LRRC4C: variants seen among roughly 807,000 people sequenced by gnomAD.
LRRC4C encodes leucine-rich repeat-containing protein 4C.
LRRC4C carries 5 observed loss-of-function variants against 33.6 expected under a neutral mutation model. The ratio of observed to expected loss-of-function variants is 0.15; its 90% CI spans 0.08 to 0.31. The LOEUF (loss-of-function observed/expected upper bound fraction) is 0.31. LRRC4C is among the 10% of genes least tolerant of loss of function. The pLI is 1.00. For synonymous variants in LRRC4C, 329 were observed against 302.0 expected (o/e 1.09, Z -0.93); for missense variants, 560 against 796.7 (o/e 0.70, Z 3.58).
At position 40,134,781 on chromosome 11, in the gene LRRC4C, G is replaced by C. The variant is rs150674647; in HGVS notation, c.-43+6020C>G. Among the ~76,000 whole-genome samples the C allele has an allele frequency of 2.4e-4, 37 of 152,250 alleles. 2 individuals are homozygous for C. The East Asian group carries it at 7.1e-3, about 29-fold the overall frequency. On this transcript the variant is annotated intron_variant, in intron 6 of 6. Transcript: ENST00000528697. ...ATCCCATGATTCCTGACCTGTCATTGCTTCCTCTGATTTCTGTATATTTTT... is the reference window on the plus strand; with the variant it reads ...ATCCCATGATTCCTGACCTGTCATTCCTTCCTCTGATTTCTGTATATTTTT...
intron 1 of LRRC4C, among the ~76,000 whole-genome samples, chr11:41,274,893 C>G (rs1168062704): frequency 6.6e-6 from 1 of 152,106 alleles, no homozygotes; most frequent in Non-Finnish European, 1.5e-5. Flanking sequence ...GGATGTTTGT[C>G]CCTCTAAATC....
chr11:40,919,536 T>C (rs1957091851), intron 2 of LRRC4C, among the ~76,000 whole-genome samples: 1 of 152,152 alleles, frequency 6.6e-6, no homozygotes, highest in Non-Finnish European at 1.5e-5. Context: ...TAACCCATCA[T>C]TTGGCTTATC....
intron 2 of LRRC4C, among the ~76,000 whole-genome samples, chr11:40,737,468 C>T (rs1015345765): frequency 1.3e-5 from 2 of 152,066 alleles, no homozygotes; most frequent in Non-Finnish European, 2.9e-5. Flanking sequence ...ATTTAGAAAA[C>T]TCCATCGTCT....
At chr11:41,205,671 CA>C (rs1015642694) in intron 1 of LRRC4C, among the ~76,000 whole-genome samples, 9 of 151,798 alleles carry the variant, frequency 5.9e-5, no homozygotes, top group South Asian at 4.2e-4. Flanking sequence ...AAACAACAAA[CA>C]AAAAAAACTT....
intron 3 of LRRC4C, among the ~76,000 whole-genome samples, chr11:40,373,549 A>G (rs1470355513): frequency 6.6e-6 from 1 of 152,158 alleles, no homozygotes; most frequent in Non-Finnish European, 1.5e-5. Context: ...ATAACCAATA[A>G]ATGTATTGAT....
At chr11:40,484,890 CAAAAT>C (rs1953775404) in intron 3 of LRRC4C, among the ~76,000 whole-genome samples, 1 of 152,026 alleles carries the variant, frequency 6.6e-6, no homozygotes, top group Admixed American at 6.6e-5. Flanking sequence ...CTGCATCTCA[CAAAAT>C]AAAAGGCATG....
intron 1 of LRRC4C, among the ~76,000 whole-genome samples, chr11:41,424,663 C>G (rs1262993881): frequency 6.6e-6 from 1 of 151,832 alleles, no homozygotes; most frequent in African/African-American, 2.4e-5. Context: ...ACAGAAGATA[C>G]CAATTTGTGT....
chr11:41,424,727 C>T (rs533821194), intron 1 of LRRC4C, among the ~76,000 whole-genome samples: 27 of 152,094 alleles, frequency 1.8e-4, no homozygotes, highest in African/African-American at 5.5e-4. Flanking sequence ...TAATATAATA[C>T]GCATTTATTT....
chr11:40,881,402 T>C (rs1345118182), intron 2 of LRRC4C, among the ~76,000 whole-genome samples: 1 of 152,178 alleles, frequency 6.6e-6, no homozygotes, highest in African/African-American at 2.4e-5. Flanking sequence ...CTTTTTTCTT[T>C]GCAAGTTACT....
intron 1 of LRRC4C, among the ~76,000 whole-genome samples, chr11:40,955,855 C>A (rs1467191993): frequency 2.0e-5 from 3 of 151,804 alleles, no homozygotes; most frequent in African/African-American, 7.2e-5. Flanking sequence ...TTCTGCTTCA[C>A]CATAGAAAAA....
chr11:41,156,652 G>T (rs1487496211), intron 1 of LRRC4C, among the ~76,000 whole-genome samples: 1 of 152,012 alleles, frequency 6.6e-6, no homozygotes, highest in Non-Finnish European at 1.5e-5. Flanking sequence ...AAATTATATT[G>T]TGTATTAGAA....
At chr11:40,320,653 G>A (rs1165782888) in intron 3 of LRRC4C, among the ~76,000 whole-genome samples, 3 of 151,964 alleles carry the variant, frequency 2.0e-5, no homozygotes, top group African/African-American at 7.3e-5. Context: ...GTCATAATTA[G>A]CCAGACAATT....
chr11:41,169,871 G>T (rs1565446660), intron 1 of LRRC4C, among the ~76,000 whole-genome samples: 1 of 152,128 alleles, frequency 6.6e-6, no homozygotes, highest in East Asian at 1.9e-4. Context: ...TATTTAATAT[G>T]AAATAAATCA....
chr11:40,386,681 C>G (rs1331021970), intron 3 of LRRC4C, among the ~76,000 whole-genome samples: 3 of 152,074 alleles, frequency 2.0e-5, no homozygotes, highest in African/African-American at 7.2e-5. Flanking sequence ...TTCTAGCTTT[C>G]TTCGCTTTTA....
At chr11:40,909,216 C>T (rs979108775) in intron 2 of LRRC4C, among the ~76,000 whole-genome samples, 1 of 152,100 alleles carries the variant, frequency 6.6e-6, no homozygotes, top group Non-Finnish European at 1.5e-5. Context: ...TTATCATCTC[C>T]TTTTAAATCA....
At chr11:40,969,588 C>T (rs1441939153) in intron 1 of LRRC4C, among the ~76,000 whole-genome samples, 1 of 152,068 alleles carries the variant, frequency 6.6e-6, no homozygotes, top group East Asian at 1.9e-4. Flanking sequence ...GATCAGTCAG[C>T]AACTATCAAT....
intron 3 of LRRC4C, among the ~76,000 whole-genome samples, chr11:40,353,599 A>G (rs1004526763): frequency 6.6e-6 from 1 of 152,052 alleles, no homozygotes; most frequent in African/African-American, 2.4e-5. Flanking sequence ...CTGTAATTCT[A>G]GGTATTTGGG....
intron 3 of LRRC4C, among the ~76,000 whole-genome samples, chr11:40,547,713 G>A: frequency 6.6e-6 from 1 of 152,054 alleles, no homozygotes; most frequent in East Asian, 1.9e-4. Context: ...ATGCTGTTGA[G>A]TAGTAGGCTG....
At chr11:40,446,052 T>C (rs1264482355) in intron 3 of LRRC4C, 2 of 152,214 alleles carry the variant, frequency 1.3e-5, no homozygotes, top group African/African-American at 4.8e-5. Context: ...TGATTTCTCC[T>C]GAAAAGTTTT....
Sources: allele counts gnomAD v4.1 joint callset (sites outside exome capture counted in the v4.1 genomes callset), GRCh38; gene constraint gnomAD v4.1.1; transcripts MANE v1.5; gene names NCBI Gene and HGNC (gene_info 2026-07-23, HGNC 2026-07-21).